Variants in SPIRE1 observed in about 807,000 individuals in gnomAD.
SPIRE1 encodes spire type actin nucleation factor 1.
Under a neutral mutation model 94.1 loss-of-function variants are expected in SPIRE1, and 40 were observed. That is an observed-to-expected ratio of 0.43 (90% confidence interval 0.33 to 0.55). The LOEUF (loss-of-function observed/expected upper bound fraction) is 0.55, where lower values mean the gene tolerates loss of function less well. SPIRE1 is among the 20% of genes least tolerant of loss of function. The probability of loss-of-function intolerance (pLI) is 0.06; values close to 1 mark genes in which losing one functional copy is unlikely to be tolerated. For synonymous variants in SPIRE1, 376 were observed against 371.7 expected (o/e 1.01, Z -0.13); for missense variants, 838 against 975.2 (o/e 0.86, Z 1.87).
chr18:12,657,718 T>G lies in SPIRE1; in HGVS notation c.149A>C (p.Asn50Thr). 1 of 1,404,082 alleles carries G rather than the reference T, an allele frequency of 7.1e-7. No homozygotes were observed. The highest frequency in any genetic ancestry group is 9.3e-7 in the Non-Finnish European group (1 of 1,071,634). The allele number at this position is 1,404,082 out of a possible 1,614,324, so 87.0% of individuals were successfully genotyped here. Reference sequence around the variant, plus strand: ...CGCCTGCTCCTCGTTGATGGGCTGGTTGTACAGCCGCAGGATCTCCTCCAG... The same window carrying G: ...CGCCTGCTCCTCGTTGATGGGCTGGGTGTACAGCCGCAGGATCTCCTCCAG... ...LSLEEILRLY[N>T]QPINEEQAWA... is the part of the protein sequence containing the mutation. Residue 50 changes from asparagine to threonine, a missense_variant, in exon 1 of 17, where the codon AAC becomes ACC. Asn to Thr is a moderately conservative substitution (Grantham distance 65, BLOSUM62 0). Coordinates refer to ENST00000409402, the MANE Select transcript of SPIRE1 (RefSeq NM_001128626.2).
chr18:12,489,597 C>A (rs1035746749), intron 8 of SPIRE1, among the ~76,000 whole-genome samples: 4 of 151,932 alleles, frequency 2.6e-5, no homozygotes, highest in African/African-American at 9.7e-5. Flanking sequence ...GACTGATGTA[C>A]AAGAATAGTA....
chr18:12,593,809 G>A lies in SPIRE1; in HGVS notation c.372+41253C>T, dbSNP rs552718724. On this transcript the variant is annotated intron_variant, in intron 2 of 16. Transcript: ENST00000409402. ...TACTAAAAATACAAAAAAATTAGCC[G>A]GGTGTGGTGGCACATGCCTGTAATC... Among the ~76,000 whole-genome samples, 44 of 152,200 alleles carry A rather than the reference G, an allele frequency of 2.9e-4. 1 individual carries two copies. The highest frequency in any genetic ancestry group is 2.3e-3 in the South Asian group (11 of 4,824).
At chr18:12,454,292 A>G in intron 13 of SPIRE1, 54 bp downstream of exon 13, 1 of 1,603,584 alleles carries the variant, frequency 6.2e-7, no homozygotes, top group Non-Finnish European at 8.5e-7. Context: ...GAGACTATGC[A>G]TGGGACTGGC....
At chr18:12,474,766 C>G (rs1022950731) in intron 10 of SPIRE1, among the ~76,000 whole-genome samples, 52 of 152,008 alleles carry the variant, frequency 3.4e-4, no homozygotes, top group African/African-American at 1.2e-3. Context: ...ATGCAGTGAG[C>G]TGAGGTCGCT....
chr18:12,533,831 C>T (rs1341916049), intron 4 of SPIRE1, among the ~76,000 whole-genome samples: 2 of 151,712 alleles, frequency 1.3e-5, no homozygotes, highest in Admixed American at 1.3e-4. Flanking sequence ...TTCTACTATT[C>T]GAGAAAACCT....
upstream of SPIRE1, among the ~76,000 whole-genome samples, chr18:12,661,182 C>T (rs2038689547): frequency 1.3e-5 from 2 of 152,194 alleles, no homozygotes; most frequent in African/African-American, 2.4e-5. Context: ...GTGGCAGGCA[C>T]CTGTAATCCC....
Position 12,575,298 on chromosome 18 carries a change from AAAAATAAAAAAATT to A in SPIRE1, c.373-28408_373-28395del, listed in dbSNP as rs545640416. ...GACTCAGTGAACACAAAGAGTAAAAAAAAATAAAAAAATTAAAATAAAAAAGCTAGTCGTTTCTC... is the reference window on the plus strand; with the variant it reads ...GACTCAGTGAACACAAAGAGTAAAAAAAAATAAAAAAGCTAGTCGTTTCTC... On this transcript the variant is annotated intron_variant, in intron 2 of 16. Coordinates refer to ENST00000409402, the MANE Select transcript of SPIRE1 (RefSeq NM_001128626.2). Among the ~76,000 whole-genome samples the A allele has an allele frequency of 1.4e-4, 21 of 152,286 alleles. No homozygotes were observed. In the South Asian group the frequency reaches 4.4e-3, roughly 32 times the overall value.
At chr18:12,557,114 G>A (rs1016773802) in intron 2 of SPIRE1, among the ~76,000 whole-genome samples, 2 of 152,232 alleles carry the variant, frequency 1.3e-5, no homozygotes, top group African/African-American at 2.4e-5. Context: ...GGCTGCGGGT[G>A]GAGCTGCCCA....
At chr18:12,587,498 A>G (rs1208652929) in intron 2 of SPIRE1, among the ~76,000 whole-genome samples, 1 of 151,170 alleles carries the variant, frequency 6.6e-6, no homozygotes, top group Non-Finnish European at 1.5e-5. Flanking sequence ...CTGGCCCAGG[A>G]GCATATTCTA....
At chr18:12,496,350 A>G (rs78152358) in intron 6 of SPIRE1, among the ~76,000 whole-genome samples, 26,266 of 152,244 alleles carry the variant, frequency 0.17, 2,514 homozygotes, top group African/African-American at 0.25. Flanking sequence ...TTCTAAAATT[A>G]TGAATGTAAA....
chr18:12,634,888 T>C (rs1442993231), intron 2 of SPIRE1, among the ~76,000 whole-genome samples, 174 bp downstream of exon 2: 1 of 150,036 alleles, frequency 6.7e-6, no homozygotes, highest in Non-Finnish European at 1.5e-5. Context: ...TGAGCCAAGA[T>C]CGTGCCATTG....
intron 2 of SPIRE1, among the ~76,000 whole-genome samples, chr18:12,615,345 A>AAAAAAAAAAAAAAAAAAAATATATATAT: frequency 1.2e-4 from 2 of 17,242 alleles, no homozygotes; most frequent in Non-Finnish European, 1.9e-4. Flanking sequence ...AAAAAAAAAA[A>AAAAAAAAAAAAAAAAAAAATATATATAT]ATATATATAT....
chr18:12,658,483 TC>T (rs1042649662), upstream of SPIRE1: 65 of 449,924 alleles, frequency 1.4e-4, no homozygotes, highest in Middle Eastern at 8.2e-4. Context: ...ATCAGGGAAG[TC>T]CCCGGCCGAC....
At chr18:12,655,677 T>A (rs2038518923) in intron 1 of SPIRE1, among the ~76,000 whole-genome samples, 1 of 150,986 alleles carries the variant, frequency 6.6e-6, no homozygotes, top group Non-Finnish European at 1.5e-5. Flanking sequence ...ATAATCCAAT[T>A]CAACATAAGA....
intron 2 of SPIRE1, among the ~76,000 whole-genome samples, chr18:12,554,403 G>C (rs1192566257): frequency 1.3e-5 from 2 of 151,858 alleles, no homozygotes; most frequent in Non-Finnish European, 1.5e-5. Flanking sequence ...AGATGAAATG[G>C]ATAAATTCTT....
intron 4 of SPIRE1, among the ~76,000 whole-genome samples, chr18:12,513,724 T>A (rs113453897): frequency 6.6e-6 from 1 of 152,082 alleles, no homozygotes. Context: ...GGTTTCTCCA[T>A]GTCGGTCAGG....
At chr18:12,452,536 A>T in intron 14 of SPIRE1, 24 bp from the exon 15 acceptor site, 1 of 1,613,620 alleles carries the variant, frequency 6.2e-7, no homozygotes, top group South Asian at 1.1e-5. Context: ...CATAAATGTT[A>T]TTTGGCATGA....
At chr18:12,637,398 C>T (rs1253568065) in intron 1 of SPIRE1, among the ~76,000 whole-genome samples, 1 of 150,530 alleles carries the variant, frequency 6.6e-6, no homozygotes, top group Non-Finnish European at 1.5e-5. Context: ...TTTACATCTT[C>T]AGTAGGATAT....
chr18:12,450,650 G>C, intron 16 of SPIRE1: 1 of 612,642 alleles, frequency 1.6e-6, no homozygotes, highest in Non-Finnish European at 2.9e-6. Flanking sequence ...GGTGGATAAA[G>C]TACACTACCA....
Sources: allele counts gnomAD v4.1 joint callset (sites outside exome capture counted in the v4.1 genomes callset), GRCh38; gene constraint gnomAD v4.1.1; transcripts MANE v1.5; gene names NCBI Gene and HGNC (gene_info 2026-07-23, HGNC 2026-07-21).